RANBP2: variants seen among roughly 807,000 people sequenced by gnomAD.
RANBP2 encodes the protein RAN binding protein 2.
In RANBP2, 57 loss-of-function variants were observed where a neutral mutation model predicts 303.6. That is an observed-to-expected ratio of 0.19 (90% CI 0.15 to 0.23). RANBP2 has a LOEUF of 0.23. Among genes scored for constraint, RANBP2 ranks in the 10% least tolerant of loss-of-function variants. The pLI, the probability that RANBP2 is intolerant of heterozygous loss-of-function variation, is 1.00. For missense variants in RANBP2, 3,138 were observed against 3,780.8 expected (o/e 0.83, Z 4.46); for synonymous variants, 1,167 against 1,301.5 (o/e 0.90, Z 2.23).
the RANBP2 span, among the ~76,000 whole-genome samples, chr2:109,082,516 G>T: frequency 2.0e-5 from 3 of 152,092 alleles, no homozygotes; most frequent in Non-Finnish European, 4.4e-5. Flanking sequence ...GGACAGGCTA[G>T]TGTCGATCTC....
At chr2:109,580,515 A>T in the RANBP2 span, among the ~76,000 whole-genome samples, 4 of 152,196 alleles carry the variant, frequency 2.6e-5, no homozygotes, top group African/African-American at 9.6e-5. Context: ...ATGGTAAAAA[A>T]TAAAGCTTTC....
the RANBP2 span, among the ~76,000 whole-genome samples, chr2:109,332,297 T>A: frequency 6.6e-6 from 1 of 152,242 alleles, no homozygotes; most frequent in Non-Finnish European, 1.5e-5. Flanking sequence ...AACTCTCTCC[T>A]GAGAGAGCTC....
the RANBP2 span, among the ~76,000 whole-genome samples, chr2:108,880,472 G>A: frequency 6.6e-6 from 1 of 152,128 alleles, no homozygotes; most frequent in African/African-American, 2.4e-5. Context: ...AACTTCCTAG[G>A]TTTTCATAGC....
chr2:108,911,193 A>T, the RANBP2 span: 1 of 1,247,684 alleles, frequency 8.0e-7, no homozygotes. Flanking sequence ...GGAACCCTGA[A>T]ATCTGAGGTG....
chr2:108,740,745 G>A, intron 7 of RANBP2, 64 bp downstream of exon 7: 1 of 1,596,714 alleles, frequency 6.3e-7, no homozygotes. Context: ...TGAAATGAAG[G>A]TGTGCTCTGG....
At chr2:109,411,263 C>T in the RANBP2 span, among the ~76,000 whole-genome samples, 85,235 of 152,096 alleles carry the variant, frequency 0.56, 24,384 homozygotes, top group African/African-American at 0.64. Flanking sequence ...GGATGCTGGC[C>T]GTGTGGAAGT....
At chr2:109,715,784 C>T in the RANBP2 span, among the ~76,000 whole-genome samples, 1 of 152,180 alleles carries the variant, frequency 6.6e-6, no homozygotes, top group African/African-American at 2.4e-5. Context: ...GGCAGCCAGC[C>T]CCCATCCTGA....
At chr2:108,885,395 A>T in the RANBP2 span, 1 of 152,180 alleles carries the variant, frequency 6.6e-6, no homozygotes, top group East Asian at 1.9e-4. Context: ...AATGACTTTA[A>T]CTTCTTTGAT....
chr2:109,606,597 A>G, the RANBP2 span, among the ~76,000 whole-genome samples: 105 of 151,454 alleles, frequency 6.9e-4, no homozygotes, highest in South Asian at 5.8e-3. Flanking sequence ...AGAGATTACT[A>G]GGCCACTAAA....
At chr2:108,724,059 G>GA (rs1408704982) in intron 1 of RANBP2, among the ~76,000 whole-genome samples, 6 of 152,208 alleles carry the variant, frequency 3.9e-5, no homozygotes, top group Non-Finnish European at 7.4e-5. Context: ...TTCTGAGTTA[G>GA]ACCCTTTGTT....
At chr2:109,140,868 G>T in the RANBP2 span, among the ~76,000 whole-genome samples, 1 of 152,282 alleles carries the variant, frequency 6.6e-6, no homozygotes, top group Non-Finnish European at 1.5e-5. Flanking sequence ...TCTGGCCCCA[G>T]GGGTATCAGT....
the RANBP2 span, among the ~76,000 whole-genome samples, chr2:109,684,682 C>T: frequency 6.6e-6 from 1 of 150,790 alleles, no homozygotes; most frequent in Non-Finnish European, 1.5e-5. Context: ...TACAGGTGCA[C>T]ACTACCACAC....
At chr2:109,560,156 G>A in the RANBP2 span, among the ~76,000 whole-genome samples, 456 of 152,164 alleles carry the variant, frequency 3.0e-3, 1 homozygote, top group Non-Finnish European at 5.1e-3. Context: ...TCCTGACCTC[G>A]TGATCCGCCC....
chr2:109,422,704 G>C, the RANBP2 span, among the ~76,000 whole-genome samples: 1 of 152,186 alleles, frequency 6.6e-6, no homozygotes, highest in Non-Finnish European at 1.5e-5. Context: ...CATGCTCCTG[G>C]GCACAGCCAA....
At chr2:109,276,876 T>TG in the RANBP2 span, among the ~76,000 whole-genome samples, 3 of 151,574 alleles carry the variant, frequency 2.0e-5, no homozygotes, top group African/African-American at 7.3e-5. Context: ...TAAATTCACA[T>TG]GGAAAAAAAA....
the RANBP2 span, among the ~76,000 whole-genome samples, chr2:109,371,215 A>G: frequency 8.5e-5 from 13 of 152,260 alleles, no homozygotes; most frequent in East Asian, 2.3e-3. Context: ...ATGGCAAGAC[A>G]CCATCTCTAC....
At chr2:109,372,434 G>T in the RANBP2 span, among the ~76,000 whole-genome samples, 2 of 152,200 alleles carry the variant, frequency 1.3e-5, no homozygotes, top group Non-Finnish European at 2.9e-5. Flanking sequence ...ATGCTTTCAT[G>T]CTGTAACCAC....
the RANBP2 span, among the ~76,000 whole-genome samples, chr2:109,632,131 A>G: frequency 3.3e-4 from 51 of 152,280 alleles, 1 homozygote; most frequent in African/African-American, 1.1e-3. Flanking sequence ...GTTGGTGAAC[A>G]TGTTGATGTG....
At chr2:109,267,071 A>C in the RANBP2 span, among the ~76,000 whole-genome samples, 2 of 152,330 alleles carry the variant, frequency 1.3e-5, no homozygotes, top group East Asian at 3.9e-4. Context: ...ATACATTATC[A>C]GTGAAGGCAC....
Sources: allele counts gnomAD v4.1 joint callset (sites outside exome capture counted in the v4.1 genomes callset), GRCh38; gene constraint gnomAD v4.1.1; transcripts MANE v1.5; gene names NCBI Gene and HGNC (gene_info 2026-07-23, HGNC 2026-07-21).